The following PHF8 variants were observed in gnomAD, a reference collection of about 807,000 sequenced individuals.
PHF8 encodes the protein histone lysine demethylase PHF8.
Under a neutral mutation model 74.4 loss-of-function variants are expected in PHF8, and 9 were observed. The observed-to-expected ratio is 0.12, with a 90% CI of 0.07 to 0.21. The LOEUF (loss-of-function observed/expected upper bound fraction) is 0.21, where lower values mean the gene tolerates loss of function less well. PHF8 is among the 10% of genes least tolerant of loss of function. PHF8 has a pLI of 1.00. For synonymous variants in PHF8, 311 were observed against 316.6 expected, an observed-to-expected ratio of 0.98 and a Z score of 0.19; for missense variants, 478 against 816.6, an observed-to-expected ratio of 0.59 and a Z score of 5.05.
At chrX:53,971,616 T>A (rs2065292062) in intron 18 of PHF8, among the ~76,000 whole-genome samples, 1 of 109,438 alleles carries the variant, frequency 9.1e-6, no homozygotes, top group East Asian at 2.9e-4. Flanking sequence ...AGAGAGAAAA[T>A]CAAACAGACA....
chrX:53,960,365 G>A (rs966492729), intron 19 of PHF8, among the ~76,000 whole-genome samples: 22 of 108,102 alleles, frequency 2.0e-4, no homozygotes, highest in African/African-American at 7.0e-4. Flanking sequence ...GTGAGCCACC[G>A]CACCTGGCCT....
chrX:54,024,424 T>G (rs887300686), intron 2 of PHF8, among the ~76,000 whole-genome samples: 9 of 112,223 alleles, frequency 8.0e-5, no homozygotes, highest in Non-Finnish European at 3.8e-5. Flanking sequence ...CTCAGTTCCC[T>G]GGACTGCATG....
At chrX:53,940,119 T>C in intron 21 of PHF8, 61 bp downstream of exon 21, 1 of 935,760 alleles carries the variant, frequency 1.1e-6, no homozygotes, top group East Asian at 3.4e-5. Context: ...ACTAGAGCAC[T>C]TAGGATTTAG....
intron 2 of PHF8, among the ~76,000 whole-genome samples, chrX:54,023,643 G>C (rs1418649653): frequency 3.7e-5 from 4 of 108,053 alleles, no homozygotes; most frequent in African/African-American, 1.3e-4. Context: ...GAGGCAGGAG[G>C]ATCACTTGAG....
intron 2 of PHF8, among the ~76,000 whole-genome samples, chrX:54,025,142 C>T (rs904783559): frequency 7.2e-5 from 8 of 111,765 alleles, no homozygotes; most frequent in African/African-American, 2.6e-4. Flanking sequence ...TCCCAAAGTG[C>T]TGGGATTACA....
At chrX:54,035,804 AAAAT>A (rs1557113943) in intron 2 of PHF8, among the ~76,000 whole-genome samples, 1 of 110,547 alleles carries the variant, frequency 9.0e-6, no homozygotes, top group Admixed American at 9.7e-5. Flanking sequence ...CCCTGTCTCA[AAAAT>A]AAATGAATGA....
rs192010034 is a variant in PHF8 at position 54,040,691 on chromosome X, G to A, written c.98+1940C>T. Among the ~76,000 whole-genome samples the A allele has an allele frequency of 8.1e-5, 9 of 111,781 alleles. No individual in the cohort carries two copies. The East Asian group carries it at 2.5e-3, about 31-fold the overall frequency. On this transcript the variant is annotated intron_variant, in intron 2 of 21. Transcript: ENST00000338154. The stretch of plus-strand genomic sequence containing the variant: ...TCTTGCTAGGACATAAAGAACAAGA[G>A]AGGAGGAGTGGCAGGAAATGAGAAT...
chrX:54,017,330 T>C (rs1465386643), intron 5 of PHF8, among the ~76,000 whole-genome samples: 2 of 111,896 alleles, frequency 1.8e-5, no homozygotes, highest in Non-Finnish European at 3.8e-5. Context: ...CCCTGTAGTC[T>C]CAGCTACTCA....
At chrX:54,030,988 C>T (rs1429001870) in intron 2 of PHF8, among the ~76,000 whole-genome samples, 4 of 112,061 alleles carry the variant, frequency 3.6e-5, no homozygotes, top group Non-Finnish European at 7.5e-5. Context: ...TAAGTATTAG[C>T]TATCATCATC....
chrX:53,975,096 G>A (rs1557095668), intron 18 of PHF8, among the ~76,000 whole-genome samples: 1 of 112,002 alleles, frequency 8.9e-6, no homozygotes, highest in African/African-American at 3.2e-5. Context: ...GGTATATGGG[G>A]AAAATGTCCA....
intron 19 of PHF8, among the ~76,000 whole-genome samples, chrX:53,960,756 T>TA (rs1182117266): frequency 1.9e-5 from 2 of 107,493 alleles, no homozygotes; most frequent in Admixed American, 1.0e-4. Flanking sequence ...AAAAAAAATT[T>TA]AAAAAAAAAT....
At chrX:53,978,639 A>C (rs1364321506) in intron 18 of PHF8, among the ~76,000 whole-genome samples, 1 of 108,968 alleles carries the variant, frequency 9.2e-6, no homozygotes, top group Non-Finnish European at 1.9e-5. Flanking sequence ...TCTACTAAAA[A>C]TACAAAAAAT....
At chrX:54,012,349 A>T (rs1557106950) in intron 7 of PHF8, among the ~76,000 whole-genome samples, 1 of 112,151 alleles carries the variant, frequency 8.9e-6, no homozygotes, top group Non-Finnish European at 1.9e-5. Flanking sequence ...ATTTTAAAAT[A>T]AAAGAGTTAA....
intron 14 of PHF8, among the ~76,000 whole-genome samples, chrX:53,991,750 T>C (rs1334831219): frequency 2.8e-5 from 3 of 107,091 alleles, no homozygotes; most frequent in Non-Finnish European, 5.8e-5. Flanking sequence ...ACACCTGTAA[T>C]CCCAGCACTC....
chrX:54,018,969 CA>C (rs2066119637), intron 4 of PHF8, among the ~76,000 whole-genome samples: 1 of 111,141 alleles, frequency 9.0e-6, no homozygotes, highest in African/African-American at 3.3e-5. Context: ...GATTAAATTC[CA>C]AAAAATAAAG....
At chrX:54,045,676 TAAAC>T (rs1557117340), upstream of PHF8, among the ~76,000 whole-genome samples, 1 of 112,520 alleles carries the variant, frequency 8.9e-6, no homozygotes, top group Non-Finnish European at 1.9e-5. Context: ...TTCACTTAAA[TAAAC>T]AAGCGAGAAC....
At chrX:53,993,133 G>GT in intron 13 of PHF8, 1 of 353,664 alleles carries the variant, frequency 2.8e-6, no homozygotes, top group East Asian at 5.3e-5. Flanking sequence ...TGGAGCCCTG[G>GT]TGGAGGGCTT....
intron 2 of PHF8, among the ~76,000 whole-genome samples, chrX:54,028,051 G>T (rs1194860306): frequency 9.1e-6 from 1 of 109,973 alleles, no homozygotes; most frequent in South Asian, 4.0e-4. Flanking sequence ...GGTAGTGAGG[G>T]TGAAATATTA....
At position 54,030,161 on chromosome X, in the gene PHF8, A is replaced by G. The variant is rs183860192; in HGVS notation, c.99-7318T>C. 1.3e-3 allele frequency among the ~76,000 whole-genome samples: 145 copies of G among 111,087 alleles called. No homozygotes were observed. The East Asian group carries it at 0.025, about 19-fold the overall frequency. On this transcript the variant is annotated intron_variant, in intron 2 of 21. Transcript: ENST00000338154. ...CTTACCTGCTGTCTGTCCCCACTAC[A>G]TTTGCCAGATAGTGTATCTTATTTA...
Sources: allele counts gnomAD v4.1 joint callset (sites outside exome capture counted in the v4.1 genomes callset), GRCh38; gene constraint gnomAD v4.1.1; transcripts MANE v1.5; gene names NCBI Gene and HGNC (gene_info 2026-07-23, HGNC 2026-07-21).